Variants in ATXN7L1 observed in about 807,000 individuals in gnomAD.
The protein encoded by ATXN7L1 is ataxin 7 like 1, also known as ataxin-7-like protein 1.
A neutral mutation model predicts 70.8 loss-of-function variants in ATXN7L1; 15 were observed. The observed-to-expected ratio is 0.21, with a 90% CI of 0.14 to 0.33. The LOEUF (loss-of-function observed/expected upper bound fraction) is 0.33. ATXN7L1 is among the 10% of genes least tolerant of loss of function. The pLI, the probability that ATXN7L1 is intolerant of heterozygous loss-of-function variation, is 1.00. For missense variants in ATXN7L1, 975 were observed against 1,097.1 expected (o/e 0.89, Z 1.57); for synonymous variants, 440 against 445.1 (o/e 0.99, Z 0.14).
rs561100060 is a variant in ATXN7L1 at position 105,641,214 on chromosome 7, C to CTTTTTT, written c.862+1618_862+1623dup. Reference sequence around the variant, plus strand: ...GCCTTTTCTCTCTCTCTCTCTCTCTCTTTTTTTTTTTTTTTTTTTTTTTTT... The same window carrying CTTTTTT: ...GCCTTTTCTCTCTCTCTCTCTCTCTCTTTTTTTTTTTTTTTTTTTTTTTTTTTTTTT... On this transcript the variant is annotated intron_variant, in intron 5 of 11. Transcript: ENST00000419735. Among the ~76,000 whole-genome samples, 109 of 21,782 alleles carry CTTTTTT rather than the reference C, an allele frequency of 5.0e-3. 7 individuals carry two copies. The highest frequency in any genetic ancestry group is 0.016 in the African/African-American group (98 of 6,042). The allele number at this position is 21,782 out of a possible 152,430, so 14.3% of individuals were successfully genotyped here. A position where few individuals can be genotyped will look rare whatever the true frequency, so the allele number is the denominator to read the frequency against.
intron 3 of ATXN7L1, among the ~76,000 whole-genome samples, chr7:105,676,313 C>T (rs530483293): frequency 3.3e-5 from 5 of 152,296 alleles, no homozygotes; most frequent in African/African-American, 4.8e-5. Context: ...AAACACACAC[C>T]GCACAAGTCA....
At chr7:105,752,735 G>T (rs1317036127) in intron 3 of ATXN7L1, among the ~76,000 whole-genome samples, 1 of 152,112 alleles carries the variant, frequency 6.6e-6, no homozygotes, top group Non-Finnish European at 1.5e-5. Context: ...TTTTCCTAAG[G>T]TCCTAAAATG....
chr7:105,857,591 C>T (rs1815921786), intron 2 of ATXN7L1, among the ~76,000 whole-genome samples: 1 of 152,212 alleles, frequency 6.6e-6, no homozygotes, highest in Non-Finnish European at 1.5e-5. Flanking sequence ...GTTCACCAGA[C>T]CCAGGCTAAA....
At chr7:105,703,982 C>T (rs1160848724) in intron 3 of ATXN7L1, among the ~76,000 whole-genome samples, 1 of 152,240 alleles carries the variant, frequency 6.6e-6, no homozygotes, top group Non-Finnish European at 1.5e-5. Context: ...TACCCACATT[C>T]ATTCACATGG....
chr7:105,684,294 C>T (rs906730003), intron 3 of ATXN7L1, among the ~76,000 whole-genome samples: 1 of 152,222 alleles, frequency 6.6e-6, no homozygotes, highest in East Asian at 1.9e-4. Flanking sequence ...ACTTCCTTCT[C>T]TCAGGCTAAA....
At chr7:105,626,201 C>T (rs983184321) in intron 7 of ATXN7L1, among the ~76,000 whole-genome samples, 11 of 152,126 alleles carry the variant, frequency 7.2e-5, no homozygotes, top group Non-Finnish European at 1.2e-4. Context: ...ATTATGCAAG[C>T]CTTAAAAATG....
At chr7:105,871,910 T>C (rs1818324702) in intron 2 of ATXN7L1, among the ~76,000 whole-genome samples, 2 of 152,102 alleles carry the variant, frequency 1.3e-5, no homozygotes, top group African/African-American at 4.8e-5. Flanking sequence ...GGAACTGTAT[T>C]ACAGTAATCA....
At chr7:105,657,650 T>C (rs981457689) in intron 4 of ATXN7L1, among the ~76,000 whole-genome samples, 2 of 136,786 alleles carry the variant, frequency 1.5e-5, no homozygotes, top group Admixed American at 1.6e-4. Context: ...TAAGCTGAGA[T>C]TGCACCACTG....
intron 4 of ATXN7L1, among the ~76,000 whole-genome samples, chr7:105,652,319 A>T (rs1337418804): frequency 6.6e-6 from 1 of 152,154 alleles, no homozygotes; most frequent in Non-Finnish European, 1.5e-5. Flanking sequence ...AGAGCCACAC[A>T]ATTCCAATGA....
chr7:105,845,477 G>C (rs1307153005), intron 2 of ATXN7L1, among the ~76,000 whole-genome samples: 3 of 117,546 alleles, frequency 2.6e-5, no homozygotes, highest in African/African-American at 9.3e-5. Flanking sequence ...TCTCTAAACT[G>C]ATCTACAGAT....
intron 2 of ATXN7L1, among the ~76,000 whole-genome samples, chr7:105,804,038 C>T (rs796871624): frequency 1.4e-4 from 22 of 152,300 alleles, no homozygotes; most frequent in African/African-American, 4.8e-4. Flanking sequence ...TTCTACCAGC[C>T]TTGGCCAGAG....
intron 3 of ATXN7L1, among the ~76,000 whole-genome samples, chr7:105,726,172 G>C (rs1359330819): frequency 6.6e-6 from 1 of 152,190 alleles, no homozygotes; most frequent in Non-Finnish European, 1.5e-5. Context: ...AAAGTGCTAG[G>C]ATTACAGGTG....
At chr7:105,856,272 T>C (rs926365781) in intron 2 of ATXN7L1, among the ~76,000 whole-genome samples, 2 of 152,172 alleles carry the variant, frequency 1.3e-5, no homozygotes, top group African/African-American at 2.4e-5. Context: ...TAAGAATCTA[T>C]AGACTATATG....
At chr7:105,653,797 TCTC>T (rs1287971759) in intron 4 of ATXN7L1, among the ~76,000 whole-genome samples, 1 of 151,846 alleles carries the variant, frequency 6.6e-6, no homozygotes, top group African/African-American at 2.4e-5. Context: ...ACTTCTCACT[TCTC>T]CTTGAACACC....
intron 3 of ATXN7L1, among the ~76,000 whole-genome samples, chr7:105,707,129 C>T (rs1417347279): frequency 2.6e-5 from 4 of 152,192 alleles, no homozygotes; most frequent in Non-Finnish European, 4.4e-5. Context: ...TGGTAAGAGC[C>T]ATCAGGAATA....
chr7:105,767,113 G>A (rs898502712), intron 3 of ATXN7L1, among the ~76,000 whole-genome samples: 8 of 152,144 alleles, frequency 5.3e-5, no homozygotes, highest in Admixed American at 6.5e-5. Context: ...GATTTTGCAG[G>A]GGAATGACTC....
intron 3 of ATXN7L1, among the ~76,000 whole-genome samples, chr7:105,677,407 A>T (rs1804848651): frequency 6.6e-6 from 1 of 152,190 alleles, no homozygotes; most frequent in Non-Finnish European, 1.5e-5. Context: ...GCTCGAGTAC[A>T]CTGAGTCCCT....
chr7:105,808,857 A>G (rs1807999921), intron 2 of ATXN7L1, among the ~76,000 whole-genome samples: 1 of 152,254 alleles, frequency 6.6e-6, no homozygotes, highest in Admixed American at 6.5e-5. Flanking sequence ...GCTTGAAATT[A>G]AGATGGTTCT....
intron 4 of ATXN7L1, among the ~76,000 whole-genome samples, chr7:105,656,575 C>CT (rs1562960009): frequency 1.8e-5 from 2 of 112,716 alleles, no homozygotes; most frequent in African/African-American, 9.1e-5. Flanking sequence ...TCTTCTTCTT[C>CT]CTTTTTTTTT....
Sources: allele counts gnomAD v4.1 joint callset (sites outside exome capture counted in the v4.1 genomes callset), GRCh38; gene constraint gnomAD v4.1.1; transcripts MANE v1.5; gene names NCBI Gene and HGNC (gene_info 2026-07-23, HGNC 2026-07-21).